The following NOL4 variants were observed in gnomAD, a reference collection of about 807,000 sequenced individuals.
NOL4 encodes cancer/testis antigen 125.
A neutral mutation model predicts 75.9 loss-of-function variants in NOL4; 17 were observed. That is an observed-to-expected ratio of 0.22 (90% CI 0.15 to 0.34). NOL4 has a LOEUF of 0.34. Among genes scored for constraint, NOL4 ranks in the 10% least tolerant of loss-of-function variants. NOL4 has a pLI of 1.00. For synonymous variants in NOL4, 292 were observed against 289.9 expected, an observed-to-expected ratio of 1.01 and a Z score of -0.07; for missense variants, 614 against 793.5, an observed-to-expected ratio of 0.77 and a Z score of 2.72.
chr18:33,914,438 A>T (rs1025245075), intron 9 of NOL4, among the ~76,000 whole-genome samples: 1 of 152,120 alleles, frequency 6.6e-6, no homozygotes, highest in Non-Finnish European at 1.5e-5. Context: ...GCTCTCTCTT[A>T]ATAAGATGGA....
intron 6 of NOL4, among the ~76,000 whole-genome samples, chr18:34,013,876 G>A (rs781649467): frequency 1.4e-4 from 21 of 151,568 alleles, no homozygotes; most frequent in Non-Finnish European, 3.1e-4. Context: ...ATTTACTATT[G>A]TTGTTTCTAC....
At chr18:34,187,370 CTTTTTT>C (rs545524361) in intron 1 of NOL4, among the ~76,000 whole-genome samples, 22 of 78,338 alleles carry the variant, frequency 2.8e-4, no homozygotes, top group Non-Finnish European at 3.6e-4. Flanking sequence ...TAGTCCACTT[CTTTTTT>C]TTTTTTTTTT....
At chr18:33,874,689 G>T (rs973799398) in intron 10 of NOL4, among the ~76,000 whole-genome samples, 8 of 151,966 alleles carry the variant, frequency 5.3e-5, no homozygotes, top group Admixed American at 4.6e-4. Context: ...ATCGTGGAAT[G>T]AAAAGTAAAA....
At chr18:34,214,770 T>A (rs547054178) in intron 1 of NOL4, among the ~76,000 whole-genome samples, 59 of 152,212 alleles carry the variant, frequency 3.9e-4, no homozygotes, top group African/African-American at 1.4e-3. Context: ...CAAATGGCCA[T>A]CAACTAATGA....
At chr18:33,941,023 A>G (rs980987848) in intron 9 of NOL4, among the ~76,000 whole-genome samples, 1 of 152,026 alleles carries the variant, frequency 6.6e-6, no homozygotes, top group Non-Finnish European at 1.5e-5. Context: ...ACAGTAGGAA[A>G]GTGTGTCAGT....
At chr18:33,946,719 A>G (rs2068858539) in intron 8 of NOL4, among the ~76,000 whole-genome samples, 1 of 151,770 alleles carries the variant, frequency 6.6e-6, no homozygotes, top group African/African-American at 2.4e-5. Context: ...GTCCTTTAAT[A>G]TATTTTCCTA....
intron 6 of NOL4, among the ~76,000 whole-genome samples, chr18:33,999,833 T>C (rs2073567246): frequency 6.6e-6 from 1 of 152,034 alleles, no homozygotes; most frequent in Non-Finnish European, 1.5e-5. Context: ...TGTATTTTTT[T>C]AGTAGAGATG....
chr18:33,954,904 A>G (rs768180534), intron 8 of NOL4, among the ~76,000 whole-genome samples: 1 of 152,092 alleles, frequency 6.6e-6, no homozygotes, highest in Non-Finnish European at 1.5e-5. Context: ...ATCAAAATTA[A>G]TAAGGAGGAT....
intron 10 of NOL4, among the ~76,000 whole-genome samples, chr18:33,880,737 C>G (rs558676474): frequency 6.6e-6 from 1 of 151,912 alleles, no homozygotes; most frequent in African/African-American, 2.4e-5. Flanking sequence ...TCTTTGAACA[C>G]GGAAATAATG....
At chr18:34,095,674 G>C (rs2078744833) in intron 4 of NOL4, among the ~76,000 whole-genome samples, 1 of 151,998 alleles carries the variant, frequency 6.6e-6, no homozygotes, top group African/African-American at 2.4e-5. Flanking sequence ...TACATGATAA[G>C]CACAATAAAA....
At chr18:34,014,725 T>C (rs750505344) in intron 6 of NOL4, among the ~76,000 whole-genome samples, 6 of 151,970 alleles carry the variant, frequency 3.9e-5, no homozygotes, top group Admixed American at 2.0e-4. Flanking sequence ...CATCAGCAAG[T>C]AGAAAATAAA....
At chr18:33,916,587 A>G (rs1249901414) in intron 9 of NOL4, among the ~76,000 whole-genome samples, 1 of 152,214 alleles carries the variant, frequency 6.6e-6, no homozygotes, top group Non-Finnish European at 1.5e-5. Context: ...AAATAAAAAG[A>G]GAAGTCTGAT....
chr18:34,215,007 G>A (rs1317020986), intron 1 of NOL4, among the ~76,000 whole-genome samples: 1 of 152,110 alleles, frequency 6.6e-6, no homozygotes, highest in Non-Finnish European at 1.5e-5. Flanking sequence ...ACCAAGTGAT[G>A]GAGAGAAAGG....
intron 5 of NOL4, among the ~76,000 whole-genome samples, chr18:34,057,360 T>C (rs1245063035): frequency 6.6e-6 from 1 of 152,202 alleles, no homozygotes; most frequent in African/African-American, 2.4e-5. Context: ...AATACTGCTA[T>C]ATTGAAAAAC....
rs1600111795 is a variant in NOL4, at chr18:33,974,309, G to T, written c.1057-15891C>A. On this transcript the variant is annotated intron_variant, in intron 6 of 10. Transcript: ENST00000261592. ...AATTTAGGGACTTGCTCTGGAATAG[G>T]CTTTGGCTTAAGGGAATATTGTGGC... 3.3e-5 allele frequency among the ~76,000 whole-genome samples: 5 copies of T among 152,202 alleles called. No homozygotes were observed. The South Asian group carries it at 1.0e-3, about 32-fold the overall frequency.
At chr18:34,139,214 C>T (rs910926506) in intron 1 of NOL4, among the ~76,000 whole-genome samples, 2 of 152,278 alleles carry the variant, frequency 1.3e-5, no homozygotes, top group East Asian at 3.9e-4. Context: ...GGAGGATTCC[C>T]TCTTTTTCTA....
intron 9 of NOL4, among the ~76,000 whole-genome samples, chr18:33,929,125 T>C (rs2067522083): frequency 6.6e-6 from 1 of 152,152 alleles, no homozygotes; most frequent in Non-Finnish European, 1.5e-5. Flanking sequence ...GGCATAGTCT[T>C]CTTTACCACT....
At chr18:33,997,419 G>T (rs941709142) in intron 6 of NOL4, among the ~76,000 whole-genome samples, 2 of 151,466 alleles carry the variant, frequency 1.3e-5, no homozygotes, top group African/African-American at 4.8e-5. Flanking sequence ...TATTGTTTTT[G>T]ATTGTTTTAT....
chr18:34,033,533 T>A (rs1480947995), intron 5 of NOL4, among the ~76,000 whole-genome samples: 1 of 151,948 alleles, frequency 6.6e-6, no homozygotes, highest in Non-Finnish European at 1.5e-5. Context: ...ATGAGCAAAG[T>A]TTTTGTGACA....
Sources: allele counts gnomAD v4.1 joint callset (sites outside exome capture counted in the v4.1 genomes callset), GRCh38; gene constraint gnomAD v4.1.1; transcripts MANE v1.5; gene names NCBI Gene and HGNC (gene_info 2026-07-23, HGNC 2026-07-21).